CDK5RAP2: variants seen among roughly 807,000 people sequenced by gnomAD.
The protein encoded by CDK5RAP2 is CDK5 regulatory subunit associated protein 2.
CDK5RAP2 carries 147 observed loss-of-function variants against 232.9 expected under a neutral mutation model. The ratio of observed to expected loss-of-function variants is 0.63; its 90% confidence interval spans 0.55 to 0.72. CDK5RAP2 has a LOEUF of 0.72. Ranked by LOEUF, CDK5RAP2 falls within the 30% of genes least tolerant of loss-of-function variation. The pLI is 0.00. For missense variants in CDK5RAP2, 2,195 were observed against 2,231.5 expected (o/e 0.98, Z 0.33); for synonymous variants, 833 against 833.7 (o/e 1.00, Z 0.01).
chr9:120,424,340 T>C (rs1360283076), intron 25 of CDK5RAP2, among the ~76,000 whole-genome samples: 2 of 152,216 alleles, frequency 1.3e-5, no homozygotes, highest in African/African-American at 4.8e-5. Flanking sequence ...AGATAGAGGT[T>C]GACAGGCCTT....
chr9:120,415,018 C>G (rs750039634), intron 28 of CDK5RAP2, 22 bp downstream of exon 28: 1 of 1,613,772 alleles, frequency 6.2e-7, no homozygotes. Flanking sequence ...ATGTACAGTC[C>G]TCCAGGAAGG....
At chr9:120,490,295 T>C (rs1259877865) in intron 13 of CDK5RAP2, among the ~76,000 whole-genome samples, 1 of 152,198 alleles carries the variant, frequency 6.6e-6, no homozygotes, top group Non-Finnish European at 1.5e-5. Flanking sequence ...ATTTTTCAGT[T>C]GTTTCTCCTC....
intron 12 of CDK5RAP2, among the ~76,000 whole-genome samples, chr9:120,499,969 TAAAC>T (rs1487836531): frequency 3.3e-5 from 5 of 151,908 alleles, no homozygotes; most frequent in African/African-American, 4.8e-5. Context: ...AAAGAACAAT[TAAAC>T]AAAAAGAAAA....
rs372340140 is a variant in CDK5RAP2 at position 120,485,484 on chromosome 9, G to T, written c.1626+1810C>A. On this transcript the variant is annotated intron_variant, in intron 14 of 37. Coordinates refer to ENST00000349780, the MANE Select transcript of CDK5RAP2 (RefSeq NM_018249.6). ...TAATTTTTGTATTTTTAGTAGAGAC[G>T]GGGTTTCACCATATTGGCCAGGGTG... 2.7e-4 allele frequency among the ~76,000 whole-genome samples: 41 copies of T among 152,034 alleles called. No homozygotes were observed. In the East Asian group the frequency reaches 6.8e-3, roughly 25 times the overall value.
rs563840630 is a variant in CDK5RAP2 at position 120,420,972 on chromosome 9, G to A, written c.4005-1012C>T. Reference sequence around the variant, plus strand: ...AAAGGAGTGGCACATTGGTTGAGGAGGCTAAAGAGGTTCCATCCCTCACTC... The same window carrying A: ...AAAGGAGTGGCACATTGGTTGAGGAAGCTAAAGAGGTTCCATCCCTCACTC... On this transcript the variant is annotated intron_variant, in intron 26 of 37. Coordinates refer to ENST00000349780, the MANE Select transcript of CDK5RAP2 (RefSeq NM_018249.6). 1.4e-3 allele frequency among the ~76,000 whole-genome samples: 213 copies of A among 152,340 alleles called. 1 individual carries two copies. Among genetic ancestry groups the A allele is most frequent in the African/African-American group, 5.0e-3 (208 of 41,578 alleles).
chr9:120,406,875 G>C, intron 32 of CDK5RAP2, 137 bp downstream of exon 32: 1 of 695,928 alleles, frequency 1.4e-6, no homozygotes, highest in Non-Finnish European at 2.5e-6. Flanking sequence ...CAGGTCCCCT[G>C]GCTCCTAGGG....
rs2033501374 is a variant in CDK5RAP2, at chr9:120,407,105, C to A, written c.4870G>T (p.Ala1624Ser). The A allele has an allele frequency of 1.2e-6, 2 of 1,613,974 alleles. No individual in the cohort carries two copies. Among genetic ancestry groups the A allele is most frequent in the Non-Finnish European group, 8.5e-7 (1 of 1,180,046 alleles). ...TLQSRLKEQL[A>S]RGAEKAQEGA... ...TCCTGTGCCTTCTCTGCCCCCCTTG[C>A]CAGCTGTTCCTTGAGCCTGCTCTGC... The change falls in exon 32 of 38, where the codon GCA becomes TCA. Residue 1624 changes from alanine (A) to serine (S), a missense_variant. Physicochemically the swap from Ala to Ser is moderately conservative, Grantham distance 99 (BLOSUM62 1). Transcript: ENST00000349780.
intron 23 of CDK5RAP2, 131 bp from the exon 24 acceptor site, chr9:120,440,103 T>C (rs1357213896): frequency 2.6e-6 from 2 of 760,702 alleles, no homozygotes; most frequent in African/African-American, 3.4e-5. Flanking sequence ...GGCCCTAGTA[T>C]TTCCTAACAC....
chr9:120,442,685 A>G (rs975797281), intron 23 of CDK5RAP2, among the ~76,000 whole-genome samples: 1 of 152,252 alleles, frequency 6.6e-6, no homozygotes, highest in Non-Finnish European at 1.5e-5. Flanking sequence ...AAGAAATACT[A>G]TAGTTCTACA....
chr9:120,567,458 T>C (rs1042744607), intron 3 of CDK5RAP2, among the ~76,000 whole-genome samples: 4 of 152,238 alleles, frequency 2.6e-5, no homozygotes, highest in Admixed American at 6.5e-5. Context: ...TCTTGTGTCT[T>C]GCATAGTATG....
At chr9:120,516,132 A>G (rs1302428028) in intron 12 of CDK5RAP2, among the ~76,000 whole-genome samples, 3 of 152,154 alleles carry the variant, frequency 2.0e-5, no homozygotes, top group African/African-American at 7.2e-5. Flanking sequence ...TCCAACAATG[A>G]TAGACTGGAT....
At position 120,458,573 on chromosome 9, in the gene CDK5RAP2, T is replaced by G. The variant is rs878991031; in HGVS notation, c.2252A>C (p.His751Pro). The G allele has an allele frequency of 6.2e-7, 1 of 1,614,208 alleles. No homozygotes were observed. Among genetic ancestry groups the G allele is most frequent in the South Asian group, 1.1e-5 (1 of 91,088 alleles). Reference sequence around the variant, plus strand: ...ACAATCTGAAATCTTAGACTCCGTGTGCCTTAAGTATCCATTTTTGCAGCC... The same window carrying G: ...ACAATCTGAAATCTTAGACTCCGTGGGCCTTAAGTATCCATTTTTGCAGCC... Reference protein sequence around the residue: ...KGGCKNGYLRHTESKISDCDG... With the variant: ...KGGCKNGYLRPTESKISDCDG... Residue 751 changes from histidine to proline, a missense_variant, in exon 20 of 38, where the codon CAC (histidine) becomes CCC (proline). By Grantham distance (77) the His-to-Pro change is moderately conservative. Transcript: ENST00000349780.
At chr9:120,553,514 G>T (rs2042119519) in intron 3 of CDK5RAP2, among the ~76,000 whole-genome samples, 1 of 152,152 alleles carries the variant, frequency 6.6e-6, no homozygotes, top group African/African-American at 2.4e-5. Context: ...CTGTTATAAA[G>T]AGAGTGACAG....
chr9:120,451,306 G>A (rs1322977499), intron 21 of CDK5RAP2, among the ~76,000 whole-genome samples: 1 of 152,208 alleles, frequency 6.6e-6, no homozygotes, highest in Non-Finnish European at 1.5e-5. Context: ...CCATGTACAA[G>A]GTACTGTACT....
At chr9:120,511,910 G>A (rs963198529) in intron 12 of CDK5RAP2, among the ~76,000 whole-genome samples, 5 of 151,858 alleles carry the variant, frequency 3.3e-5, no homozygotes, top group South Asian at 4.2e-4. Context: ...GCTAATTTTT[G>A]TATTTTTAGT....
intron 2 of CDK5RAP2, among the ~76,000 whole-genome samples, chr9:120,570,167 A>G (rs959312986): frequency 6.6e-6 from 1 of 152,128 alleles, no homozygotes; most frequent in Non-Finnish European, 1.5e-5. Context: ...ACTTAGCAGA[A>G]AAGAGGCTAA....
At chr9:120,429,523 A>C (rs1041856316) in intron 25 of CDK5RAP2, among the ~76,000 whole-genome samples, 3 of 152,228 alleles carry the variant, frequency 2.0e-5, no homozygotes, top group Non-Finnish European at 2.9e-5. Context: ...CTTCAAAGAG[A>C]ATAAAATACT....
chr9:120,458,346 C>T lies in CDK5RAP2; in HGVS notation c.2375+104G>A, dbSNP rs2036898884. The T allele has an allele frequency of 5.4e-6, 6 of 1,106,994 alleles. No homozygotes were observed. The Admixed American group carries it at 9.5e-5, about 18-fold the overall frequency. The allele number at this position is 1,106,994 out of a possible 1,614,324, so 68.6% of individuals were successfully genotyped here. ...CCTTCCAAGCCATTTCAGGAGCTCT[C>T]TCAGGTAAATTACACAGCACGATCA... On this transcript the variant is annotated intron_variant, in intron 20 of 37. Coordinates refer to ENST00000349780, the MANE Select transcript of CDK5RAP2 (RefSeq NM_018249.6).
intron 20 of CDK5RAP2, among the ~76,000 whole-genome samples, chr9:120,456,258 T>A (rs909905075): frequency 6.6e-6 from 1 of 152,230 alleles, no homozygotes; most frequent in African/African-American, 2.4e-5. Flanking sequence ...CAGAAGGTCC[T>A]CATTGGTGTT....
Sources: allele counts gnomAD v4.1 joint callset (sites outside exome capture counted in the v4.1 genomes callset), GRCh38; gene constraint gnomAD v4.1.1; transcripts MANE v1.5; gene names NCBI Gene and HGNC (gene_info 2026-07-23, HGNC 2026-07-21).